Variants in SH3PXD2B observed in about 807,000 individuals in gnomAD.
SH3PXD2B encodes the protein SH3 and PX domains 2B.
In SH3PXD2B, 37 loss-of-function variants were observed where a neutral mutation model predicts 73.1. The ratio of observed to expected loss-of-function variants is 0.51; its 90% CI spans 0.39 to 0.67. The LOEUF is 0.67. SH3PXD2B is among the 30% of genes least tolerant of loss of function. The probability of loss-of-function intolerance (pLI) is 0.00; values close to 1 mark genes in which losing one functional copy is unlikely to be tolerated. For synonymous variants in SH3PXD2B, 457 were observed against 480.5 expected, an observed-to-expected ratio of 0.95 and a Z score of 0.64; for missense variants, 1,053 against 1,197.8, an observed-to-expected ratio of 0.88 and a Z score of 1.78.
intron 1 of SH3PXD2B, among the ~76,000 whole-genome samples, chr5:172,439,261 AAAC>A (rs1561583401): frequency 8.9e-4 from 65 of 72,810 alleles, no homozygotes; most frequent in African/African-American, 3.2e-3. Flanking sequence ...GAAAAAAAAA[AAAC>A]AAAAACAAAA....
Position 172,339,886 on chromosome 5 carries a change from A to T in SH3PXD2B, c.1219T>A (p.Tyr407Asn), listed in dbSNP as rs771017390. The change falls in exon 13 of 13, where the codon TAC becomes AAC. Residue 407 changes from tyrosine to asparagine, a missense_variant. By Grantham distance (143) the Tyr-to-Asn change is moderately radical. Coordinates refer to ENST00000311601, the MANE Select transcript of SH3PXD2B (RefSeq NM_001017995.3). This position sits in a 1 kb window ranked among gnomAD's most constrained non-coding sequence, Gnocchi z 6.1. ...VIEKNLSGWW[Y>N]IQIEDKEGWA... ...CCTTCCTTATCTTCAATCTGAATGTACCACCAGCCACTCAAGTTTTTCTCG... is the reference window on the plus strand; with the variant it reads ...CCTTCCTTATCTTCAATCTGAATGTTCCACCAGCCACTCAAGTTTTTCTCG... 16 of 1,614,050 alleles carry T rather than the reference A, an allele frequency of 9.9e-6. No individual in the cohort carries two copies. Among genetic ancestry groups the T allele is most frequent in the Non-Finnish European group, 1.4e-5 (16 of 1,180,046 alleles).
chr5:172,347,039 C>G (rs571257340), intron 11 of SH3PXD2B, among the ~76,000 whole-genome samples: 13 of 152,208 alleles, frequency 8.5e-5, no homozygotes, highest in Non-Finnish European at 1.8e-4. Flanking sequence ...GAGCAGAAGG[C>G]AGGTCCTGAG....
At chr5:172,411,626 G>C (rs997227805) in intron 2 of SH3PXD2B, among the ~76,000 whole-genome samples, 6 of 152,190 alleles carry the variant, frequency 3.9e-5, no homozygotes, top group African/African-American at 1.4e-4. Flanking sequence ...TGCAGGATGA[G>C]GGACGCAGCC....
At position 172,339,286 on chromosome 5, in the gene SH3PXD2B, C is replaced by G. The variant is rs568928528; in HGVS notation, c.1819G>C (p.Val607Leu). ...ECGHKVLAKE[V>L]KKPNLRPISK... ...ATGGGCCGGAGGTTGGGCTTCTTCA[C>G]TTCCTTGGCCAAGACCTTGTGGCCA... Residue 607 changes from valine (V) to leucine (L), a missense_variant, in exon 13 of 13, where the codon GTG becomes CTG. Physicochemically the swap from Val to Leu is conservative, Grantham distance 32. Coordinates refer to ENST00000311601, the MANE Select transcript of SH3PXD2B (RefSeq NM_001017995.3). The surrounding 1 kb of genome is among the most constrained non-coding windows in gnomAD (Gnocchi z 6.1). 5 of 1,614,206 alleles carry G rather than the reference C, an allele frequency of 3.1e-6. No homozygotes were observed. The highest frequency in any genetic ancestry group is 1.3e-5 in the African/African-American group (1 of 75,036).
rs1554137066 is a variant in SH3PXD2B, at chr5:172,368,640, T to TTATATATATAATATATATATTA, written c.427+5149_427+5150insTAATATATATATTATATATATA. Among the ~76,000 whole-genome samples the TTATATATATAATATATATATTA allele has an allele frequency of 2.6e-3, 41 of 15,916 alleles. 14 individuals carry two copies. Among genetic ancestry groups the TTATATATATAATATATATATTA allele is most frequent in the African/African-American group, 0.02 (40 of 1,988 alleles). 10.4% of individuals were successfully genotyped at this position (15,916 alleles called of 152,430 possible). ...GTTATATATATATATAATATATATG[T>TTATATATATAATATATATATTA]TATATATATAAAATATATATATTAT... On this transcript the variant is annotated intron_variant, in intron 6 of 12. Transcript: ENST00000311601.
intron 3 of SH3PXD2B, 72 bp downstream of exon 3, chr5:172,406,205 A>G: frequency 1.3e-6 from 2 of 1,505,844 alleles, no homozygotes; most frequent in South Asian, 2.3e-5. Context: ...AAGCTGATAA[A>G]CTGTCCCAAG....
chr5:172,348,626 G>GTCTATCTATCC (rs1561896273), intron 10 of SH3PXD2B, among the ~76,000 whole-genome samples: 1 of 92,554 alleles, frequency 1.1e-5, no homozygotes, highest in African/African-American at 5.9e-5. Context: ...ATCTATCTAT[G>GTCTATCTATCC]TATCTATCTA....
At chr5:172,391,198 T>C (rs747861159) in intron 4 of SH3PXD2B, among the ~76,000 whole-genome samples, 1 of 152,090 alleles carries the variant, frequency 6.6e-6, no homozygotes, top group Non-Finnish European at 1.5e-5. Context: ...CACTTGGTAT[T>C]GTCCTGTCTT....
intron 1 of SH3PXD2B, among the ~76,000 whole-genome samples, chr5:172,439,924 T>C (rs1198208154): frequency 1.3e-5 from 2 of 152,174 alleles, no homozygotes; most frequent in Non-Finnish European, 2.9e-5. Context: ...GCTCACGCAC[T>C]GCTACTCACA....
chr5:172,368,667 TATATATAAA>T (rs1169833808), intron 6 of SH3PXD2B, among the ~76,000 whole-genome samples: 1 of 38,716 alleles, frequency 2.6e-5, no homozygotes, highest in Non-Finnish European at 3.7e-5. Context: ...ATATATTATA[TATATATAAA>T]ATATATATGT....
At chr5:172,367,593 C>A (rs550302800) in intron 6 of SH3PXD2B, among the ~76,000 whole-genome samples, 1 of 152,222 alleles carries the variant, frequency 6.6e-6, no homozygotes, top group East Asian at 1.9e-4. Flanking sequence ...GTTACTTATC[C>A]CCCATCCTCT....
chr5:172,372,087 G>A (rs1322891299), intron 6 of SH3PXD2B, among the ~76,000 whole-genome samples: 3 of 152,254 alleles, frequency 2.0e-5, no homozygotes, highest in Admixed American at 6.5e-5. Flanking sequence ...CACAGGGCCC[G>A]TACCCAGGGG....
chr5:172,431,354 G>C (rs1220908302), intron 1 of SH3PXD2B, among the ~76,000 whole-genome samples: 3 of 152,274 alleles, frequency 2.0e-5, no homozygotes, highest in Non-Finnish European at 4.4e-5. Context: ...TCTGCAGAGA[G>C]GATAAGTGAA....
chr5:172,399,878 T>C (rs1217656835), intron 3 of SH3PXD2B, among the ~76,000 whole-genome samples: 3 of 152,340 alleles, frequency 2.0e-5, no homozygotes, highest in East Asian at 3.9e-4. Context: ...CCTGCACTTA[T>C]TCGACCTCTC....
At chr5:172,447,837 A>T (rs1759707704) in intron 1 of SH3PXD2B, among the ~76,000 whole-genome samples, 1 of 146,224 alleles carries the variant, frequency 6.8e-6, no homozygotes, top group South Asian at 2.3e-4. Context: ...TCTCCCATTG[A>T]GGATGACCGG....
downstream of SH3PXD2B, among the ~76,000 whole-genome samples, chr5:172,329,077 A>ATTTTTTTT (rs1386202364): frequency 9.4e-5 from 6 of 63,566 alleles, no homozygotes; most frequent in African/African-American, 3.7e-4. Context: ...ATATATATAT[A>ATTTTTTTT]TATATATTTT....
downstream of SH3PXD2B, among the ~76,000 whole-genome samples, chr5:172,332,252 C>CTTTCT (rs551891427): frequency 1.6e-4 from 12 of 74,392 alleles, no homozygotes; most frequent in East Asian, 3.5e-3. Flanking sequence ...TGACTTTTTC[C>CTTTCT]TTCCTTTTTT....
In SH3PXD2B at chr5:172,408,534, C is replaced by CT. The variant is rs34377327; in HGVS notation, c.157-2183dup. ...TTCTTTTGTGTGCTTTGGGTTATCA[C>CT]TTTTTTTTTTTTTTTTTTTTTGAGA... On this transcript the variant is annotated intron_variant, in intron 2 of 12. Transcript: ENST00000311601. Among the ~76,000 whole-genome samples, 539 of 92,638 alleles carry CT rather than the reference C, an allele frequency of 5.8e-3. 20 individuals carry two copies. Among genetic ancestry groups the CT allele is most frequent in the African/African-American group, 0.014 (273 of 20,018 alleles). The allele number at this position is 92,638 out of a possible 152,430, so 60.8% of individuals were successfully genotyped here.
At chr5:172,327,040 A>C (rs1031810459) in intron 12 of SH3PXD2B, among the ~76,000 whole-genome samples, 21 of 151,922 alleles carry the variant, frequency 1.4e-4, no homozygotes, top group Non-Finnish European at 2.4e-4. Flanking sequence ...TTGTATTTTT[A>C]GTAGAGACAA....
Sources: allele counts gnomAD v4.1 joint callset (sites outside exome capture counted in the v4.1 genomes callset), GRCh38; gene constraint gnomAD v4.1.1; non-coding constraint Gnocchi (gnomAD v3.1); transcripts MANE v1.5; gene names NCBI Gene and HGNC (gene_info 2026-07-23, HGNC 2026-07-21).